Variants in CREM observed in about 807,000 individuals in gnomAD.
CREM encodes the protein cAMP-responsive element modulator.
Under a neutral mutation model 37.3 loss-of-function variants are expected in CREM, and 13 were observed. The observed-to-expected ratio is 0.35, with a 90% CI of 0.23 to 0.55. CREM has a LOEUF of 0.55. Among genes scored for constraint, CREM ranks in the 20% least tolerant of loss-of-function variants. The probability of loss-of-function intolerance (pLI) is 0.88; values close to 1 mark genes in which losing one functional copy is unlikely to be tolerated. For missense variants in CREM, 296 were observed against 362.3 expected (o/e 0.82, Z 1.49); for synonymous variants, 124 against 120.2 (o/e 1.03, Z -0.21).
chr10:35,150,209 G>C (rs906291929), intron 3 of CREM, among the ~76,000 whole-genome samples: 1 of 149,648 alleles, frequency 6.7e-6, no homozygotes. Context: ...TTTTTTTTTT[G>C]GTAGAGACAA....
At chr10:35,161,746 T>C (rs1440279086) in intron 3 of CREM, among the ~76,000 whole-genome samples, 1 of 151,944 alleles carries the variant, frequency 6.6e-6, no homozygotes, top group East Asian at 1.9e-4. Flanking sequence ...TCTTGTTAGG[T>C]TGGTTATTAT....
intron 6 of CREM, among the ~76,000 whole-genome samples, chr10:35,202,426 C>G (rs912375200): frequency 6.6e-6 from 1 of 151,994 alleles, no homozygotes; most frequent in Admixed American, 6.6e-5. Context: ...ATCTTTGTAT[C>G]TTTATTTTTT....
chr10:35,175,252 C>A (rs553341505), intron 3 of CREM, among the ~76,000 whole-genome samples: 3 of 148,980 alleles, frequency 2.0e-5, no homozygotes, highest in East Asian at 1.9e-4. Context: ...TCGAGACCAT[C>A]CTGGCTAATG....
In CREM at chr10:35,211,750, A is replaced by G. The variant is rs1299176393; in HGVS notation, c.*352A>G. The G allele has an allele frequency of 6.2e-7, 1 of 1,613,894 alleles. No homozygotes were observed. Among genetic ancestry groups the G allele is most frequent in the African/African-American group, 1.3e-5 (1 of 74,906 alleles). On this transcript the variant is annotated 3_prime_UTR_variant, in exon 8 of 8. Coordinates refer to ENST00000685392, the MANE Select transcript of CREM (RefSeq NM_183011.2). ...GCTGGAAGTCCAGAACAAGAAGCTT[A>G]TAGAGGAACTTGAAACCTTGAAAGA...
intron 1 of CREM, among the ~76,000 whole-genome samples, chr10:35,134,705 T>C (rs1332148787): frequency 6.6e-6 from 1 of 152,180 alleles, no homozygotes; most frequent in African/African-American, 2.4e-5. Flanking sequence ...ATTTTAAATA[T>C]CATTTGTATA....
chr10:35,146,462 C>T (rs202204916), intron 2 of CREM, among the ~76,000 whole-genome samples: 2 of 152,324 alleles, frequency 1.3e-5, no homozygotes, highest in East Asian at 3.9e-4. Context: ...ATTTTCCCTA[C>T]CCTTTTTCCC....
chr10:35,208,390 CAT>C (rs1490672668), intron 7 of CREM, among the ~76,000 whole-genome samples: 1 of 152,030 alleles, frequency 6.6e-6, no homozygotes, highest in South Asian at 2.1e-4. Flanking sequence ...AAAATTTAAA[CAT>C]AAATAAAATT....
chr10:35,157,875 A>AT (rs34496083), intron 3 of CREM, among the ~76,000 whole-genome samples: 44,465 of 152,034 alleles, frequency 0.29, 7,036 homozygotes, highest in South Asian at 0.35. Context: ...GTTAGATCTA[A>AT]TACATGAATT....
intron 6 of CREM, chr10:35,201,478 A>C: frequency 6.4e-7 from 1 of 1,551,698 alleles, no homozygotes. Context: ...GCCCCAAGTC[A>C]CATGGCTGGT....
At chr10:35,188,981 T>G (rs1417691230) in intron 6 of CREM, among the ~76,000 whole-genome samples, 2 of 152,136 alleles carry the variant, frequency 1.3e-5, no homozygotes, top group East Asian at 1.9e-4. Flanking sequence ...GCCACATGAA[T>G]GAATTTTTAA....
chr10:35,167,586 T>C (rs2093614392), intron 3 of CREM: 1 of 777,626 alleles, frequency 1.3e-6, no homozygotes, highest in African/African-American at 1.7e-5. Flanking sequence ...AATGCTGTGT[T>C]ACAACACTGT....
intron 3 of CREM, among the ~76,000 whole-genome samples, chr10:35,156,452 C>T (rs901900115): frequency 6.6e-6 from 1 of 152,042 alleles, no homozygotes; most frequent in Non-Finnish European, 1.5e-5. Flanking sequence ...GTCTCACTGT[C>T]TTGTTCAGGC....
intron 1 of CREM, among the ~76,000 whole-genome samples, chr10:35,134,805 A>AG (rs1274733237): frequency 6.6e-6 from 1 of 152,092 alleles, no homozygotes; most frequent in Non-Finnish European, 1.5e-5. Context: ...TGGGAGGCCG[A>AG]GGCAGGCGGA....
chr10:35,210,077 A>T (rs1293635156), intron 7 of CREM, among the ~76,000 whole-genome samples: 1 of 152,144 alleles, frequency 6.6e-6, no homozygotes, highest in Non-Finnish European at 1.5e-5. Context: ...AAAAAAAAAA[A>T]AAAATCATGT....
At chr10:35,177,467 A>G (rs1341152976) in intron 3 of CREM, among the ~76,000 whole-genome samples, 2 of 152,150 alleles carry the variant, frequency 1.3e-5, no homozygotes, top group African/African-American at 4.8e-5. Flanking sequence ...TATTATTATT[A>G]TTTATTATTT....
At chr10:35,187,900 C>T (rs2094720413) in intron 5 of CREM, among the ~76,000 whole-genome samples, 1 of 152,232 alleles carries the variant, frequency 6.6e-6, no homozygotes, top group South Asian at 2.1e-4. Flanking sequence ...TCCCTGTCTC[C>T]TTCTCCACTC....
Position 35,192,047 on chromosome 10 carries a change from C to T in CREM, c.598+3659C>T, listed in dbSNP as rs373412125. ...AGCCATGAATGCTTCTGCCACTCCA[C>T]AGCCCTCTGTCCTGGCCCTGGCCCT... On this transcript the variant is annotated intron_variant, in intron 6 of 7. Transcript: ENST00000685392. 7.2e-5 allele frequency among the ~76,000 whole-genome samples: 11 copies of T among 152,316 alleles called. No homozygotes were observed. The East Asian group carries it at 1.2e-3, about 16-fold the overall frequency.
At chr10:35,162,085 A>C (rs1474440499) in intron 3 of CREM, among the ~76,000 whole-genome samples, 2 of 152,264 alleles carry the variant, frequency 1.3e-5, no homozygotes, top group Non-Finnish European at 2.9e-5. Flanking sequence ...ATGGAATACT[A>C]TTCAACCATA....
intron 5 of CREM, among the ~76,000 whole-genome samples, chr10:35,187,093 T>A (rs796925482): frequency 2.4e-5 from 1 of 41,318 alleles, no homozygotes; most frequent in Non-Finnish European, 5.0e-5. Flanking sequence ...TAATATATAA[T>A]ATATATGATA....
Sources: gnomAD v4.1 joint callset for allele counts (sites outside exome capture counted in the v4.1 genomes callset) on GRCh38, gnomAD v4.1.1 for gene constraint, MANE v1.5 for transcripts, NCBI Gene and HGNC (gene_info 2026-07-23, HGNC 2026-07-21) for gene names.